The following ZFAND4 variants were observed in gnomAD, a reference collection of about 807,000 sequenced individuals.
ZFAND4 encodes zinc finger AN1-type containing 4, also known as AN1-type zinc finger protein 4.
ZFAND4 carries 43 observed loss-of-function variants against 64.4 expected under a neutral mutation model. That is an observed-to-expected ratio of 0.67 (90% CI 0.52 to 0.86). The LOEUF (loss-of-function observed/expected upper bound fraction) is 0.86. Ranked by LOEUF, ZFAND4 falls within the 40% of genes least tolerant of loss-of-function variation. The probability of loss-of-function intolerance (pLI) is 0.00; values close to 1 mark genes in which losing one functional copy is unlikely to be tolerated. For missense variants in ZFAND4, 929 were observed against 859.8 expected (o/e 1.08, Z -1.01); for synonymous variants, 296 against 305.7 (o/e 0.97, Z 0.33).
At position 45,624,593 on chromosome 10, in the gene ZFAND4, C is replaced by G. The variant is rs771805667; in HGVS notation, c.1917G>C (p.Gly639=). Residue 639 remains glycine, a synonymous_variant, in exon 8 of 10, where the codon GGG becomes GGC. Transcript: ENST00000344646. ...TTATCTGTAGCTTACCTACGCTTTTCCCTGCTGCTGCATTATTTCCATTCA... is the reference window on the plus strand; with the variant it reads ...TTATCTGTAGCTTACCTACGCTTTTGCCTGCTGCTGCATTATTTCCATTCA... ...VGMNGNNAAA[G]KSVGECTTHH... The G allele has an allele frequency of 2.0e-5, 32 of 1,613,716 alleles. No homozygotes were observed. Among genetic ancestry groups the G allele is most frequent in the Non-Finnish European group, 1.4e-5 (17 of 1,179,890 alleles).
intron 4 of ZFAND4, chr10:45,649,713 T>G (rs2047633744): frequency 6.6e-6 from 1 of 152,248 alleles, no homozygotes; most frequent in Non-Finnish European, 1.5e-5. Context: ...TAAAAGACAC[T>G]TTTCAAACAA....
At chr10:45,630,180 CAAAAG>C (rs1468351053) in intron 6 of ZFAND4, among the ~76,000 whole-genome samples, 1 of 151,908 alleles carries the variant, frequency 6.6e-6, no homozygotes, top group Non-Finnish European at 1.5e-5. Flanking sequence ...AACAATGAAA[CAAAAG>C]AAAACTCCAT....
At chr10:45,660,160 CAAAAAAAAA>C (rs59673620) in intron 2 of ZFAND4, among the ~76,000 whole-genome samples, 1 of 92,554 alleles carries the variant, frequency 1.1e-5, no homozygotes, top group African/African-American at 4.2e-5. Context: ...AGACGCATCT[CAAAAAAAAA>C]AAAAAAAAAG....
At chr10:45,625,655 C>T (rs1235632667) in intron 7 of ZFAND4, among the ~76,000 whole-genome samples, 1 of 148,492 alleles carries the variant, frequency 6.7e-6, no homozygotes, top group Non-Finnish European at 1.5e-5. Flanking sequence ...ACTCAGGAGG[C>T]TAAGGCAGGA....
intron 8 of ZFAND4, among the ~76,000 whole-genome samples, chr10:45,619,797 C>T (rs1292016137): frequency 2.0e-5 from 3 of 151,968 alleles, no homozygotes; most frequent in African/African-American, 7.3e-5. Flanking sequence ...CCAGATCTTG[C>T]CAAAACTAGA....
chr10:45,651,743 C>A, intron 4 of ZFAND4: 1 of 603,464 alleles, frequency 1.7e-6, no homozygotes, highest in Non-Finnish European at 3.1e-6. Flanking sequence ...ATTTTTAAAC[C>A]TCTCTGAATT....
In ZFAND4 at chr10:45,626,202, T is replaced by A. The variant is rs576871216; in HGVS notation, c.1621A>T (p.Ile541Phe). Residue 541 changes from isoleucine to phenylalanine, a missense_variant, in exon 7 of 10, where the codon ATT becomes TTT. Ile to Phe is a conservative substitution (Grantham distance 21). Coordinates refer to ENST00000344646, the MANE Select transcript of ZFAND4 (RefSeq NM_174890.4). ...VDSLGKRSDV[I>F]SKVEARDITE... Reference sequence around the variant, plus strand: ...ATATCCCGAGCCTCAACTTTGGAAATAACATCAGATCTTTTCCCAAGTGAA... The same window carrying A: ...ATATCCCGAGCCTCAACTTTGGAAAAAACATCAGATCTTTTCCCAAGTGAA... 26 of 1,614,168 alleles carry A rather than the reference T, an allele frequency of 1.6e-5. No individual in the cohort carries two copies. In the African/African-American group the frequency reaches 2.0e-4, roughly 12 times the overall value.
rs1477708577 is a variant in ZFAND4, at chr10:45,660,850, T to C, written c.184+2692A>G. Among the ~76,000 whole-genome samples, 3 of 152,150 alleles carry C rather than the reference T, an allele frequency of 2.0e-5. No individual in the cohort carries two copies. The East Asian group carries it at 5.8e-4, about 29-fold the overall frequency. On this transcript the variant is annotated intron_variant, in intron 2 of 9. Coordinates refer to ENST00000344646, the MANE Select transcript of ZFAND4 (RefSeq NM_174890.4). ...CCTTCAGAAATGAAGGAGAAATACTTTTTCAGACAAACAAGAAACGTTAAA... is the reference window on the plus strand; with the variant it reads ...CCTTCAGAAATGAAGGAGAAATACTCTTTCAGACAAACAAGAAACGTTAAA...
chr10:45,651,578 G>C (rs1283358650), intron 4 of ZFAND4: 2 of 472,120 alleles, frequency 4.2e-6, no homozygotes, highest in Non-Finnish European at 8.8e-6. Flanking sequence ...AGGTAAACAG[G>C]CAATGTTGGA....
chr10:45,629,796 G>C (rs113188061), intron 6 of ZFAND4, among the ~76,000 whole-genome samples: 9,101 of 152,250 alleles, frequency 0.06, 395 homozygotes, highest in African/African-American at 0.12. Flanking sequence ...TCAGGAGGCA[G>C]AGGTTGCAGT....
Position 45,624,853 on chromosome 10 carries a change from C to T in ZFAND4, c.1873-216G>A, listed in dbSNP as rs139773526. On this transcript the variant is annotated intron_variant, in intron 7 of 9. Coordinates refer to ENST00000344646, the MANE Select transcript of ZFAND4 (RefSeq NM_174890.4). ...TTATCTTTAAGAGGGTAGAATTTGC[C>T]GGGTGCTGTGACTCATGCCTGTAAT... 4.2e-3 allele frequency among the ~76,000 whole-genome samples: 642 copies of T among 152,060 alleles called. 4 individuals are homozygous for T. The highest frequency in any genetic ancestry group is 0.015 in the African/African-American group (605 of 41,464).
rs186958034 is a variant in ZFAND4, at chr10:45,635,719, G to C, written c.717+4097C>G. Among the ~76,000 whole-genome samples, 127 of 152,292 alleles carry C rather than the reference G, an allele frequency of 8.3e-4. 1 individual carries two copies. Among genetic ancestry groups the C allele is most frequent in the African/African-American group, 2.9e-3 (121 of 41,560 alleles). On this transcript the variant is annotated intron_variant, in intron 6 of 9. Coordinates refer to ENST00000344646, the MANE Select transcript of ZFAND4 (RefSeq NM_174890.4). ...AAAGTGTGGTATATAGCCATACAAT[G>C]AAATATTATCCAGCCTTAAAAAGGA...
chr10:45,651,936 C>A, intron 4 of ZFAND4, 30 bp downstream of exon 4: 1 of 1,591,576 alleles, frequency 6.3e-7, no homozygotes, highest in South Asian at 1.1e-5. Flanking sequence ...ATGTTACTGT[C>A]AAATTGCTTT....
At chr10:45,651,643 A>G in intron 4 of ZFAND4, 1 of 485,924 alleles carries the variant, frequency 2.1e-6, no homozygotes, top group South Asian at 1.5e-5. Flanking sequence ...ATTTAAAAAT[A>G]AACAAGACTC....
intron 1 of ZFAND4, 57 bp from the exon 2 acceptor site, chr10:45,663,899 A>G (rs2048634650): frequency 1.9e-6 from 1 of 520,228 alleles, no homozygotes; most frequent in Non-Finnish European, 3.2e-6. Flanking sequence ...TTGTCCATAA[A>G]GATTTTCCGT....
chr10:45,668,047 T>G (rs1317977796), intron 1 of ZFAND4, among the ~76,000 whole-genome samples: 1 of 152,232 alleles, frequency 6.6e-6, no homozygotes, highest in Non-Finnish European at 1.5e-5. Flanking sequence ...TCATTTGGTT[T>G]TCTTTACTTT....
chr10:45,649,852 T>C (rs1487339819), intron 4 of ZFAND4: 1 of 152,230 alleles, frequency 6.6e-6, no homozygotes, highest in Non-Finnish European at 1.5e-5. Context: ...ATAAAAATTA[T>C]GCCCATTTTT....
intron 6 of ZFAND4, 49 bp downstream of exon 6, chr10:45,639,767 C>T (rs41301629): frequency 0.033 from 51,323 of 1,556,918 alleles, 997 homozygotes; most frequent in East Asian, 0.082. Context: ...GCTGAGTGCT[C>T]TGCAGGGGTA....
rs576482105 is a variant in ZFAND4 at position 45,640,741 on chromosome 10, C to T, written c.570-778G>A. On this transcript the variant is annotated intron_variant, in intron 5 of 9. Coordinates refer to ENST00000344646, the MANE Select transcript of ZFAND4 (RefSeq NM_174890.4). ...TCCTGACCTCGTGATCCGCCTACCT[C>T]GGCCTCCCAAAGTGCTGGGATTGTA... Among the ~76,000 whole-genome samples, 127 of 152,302 alleles carry T rather than the reference C, an allele frequency of 8.3e-4. 1 individual carries two copies. The highest frequency in any genetic ancestry group is 2.9e-3 in the African/African-American group (121 of 41,556).
Sources: gnomAD v4.1 joint callset for allele counts (sites outside exome capture counted in the v4.1 genomes callset) on GRCh38, gnomAD v4.1.1 for gene constraint, MANE v1.5 for transcripts, NCBI Gene and HGNC (gene_info 2026-07-23, HGNC 2026-07-21) for gene names.